Variants in RAB38 observed in about 807,000 individuals in gnomAD.
RAB38 encodes the protein ras-related protein Rab-38.
A neutral mutation model predicts 18.4 loss-of-function variants in RAB38; 15 were observed. The ratio of observed to expected loss-of-function variants is 0.82; its 90% CI spans 0.55 to 1.26. The LOEUF (loss-of-function observed/expected upper bound fraction) is 1.26. RAB38 is among the 50% of genes most tolerant of loss of function. The pLI is 0.00. For synonymous variants in RAB38, 101 were observed against 104.4 expected, an observed-to-expected ratio of 0.97 and a Z score of 0.20; for missense variants, 294 against 267.4, an observed-to-expected ratio of 1.10 and a Z score of -0.69.
rs527236563 is a variant in RAB38, at chr11:88,113,487, A to G, written c.*501T>C. The stretch of plus-strand genomic sequence containing the variant: ...CACACCTGTGTTCACGATTCCAAAG[A>G]GCTAACTCAGAGGCAACTCTTAGGT... On this transcript the variant is annotated 3_prime_UTR_variant, in exon 3 of 3. Coordinates refer to ENST00000243662, the MANE Select transcript of RAB38 (RefSeq NM_022337.3). 1 of 158,916 alleles carries G rather than the reference A, an allele frequency of 6.3e-6. No homozygotes were observed. Among genetic ancestry groups the G allele is most frequent in the South Asian group, 1.9e-4 (1 of 5,296 alleles). The allele number at this position is 158,916 out of a possible 1,614,324, so 9.8% of individuals were successfully genotyped here.
chr11:87,976,383 A>G, the RAB38 span, among the ~76,000 whole-genome samples: 1 of 139,958 alleles, frequency 7.1e-6, no homozygotes, highest in Non-Finnish European at 1.5e-5. Context: ...AAATACAAAT[A>G]TTTATATATA....
chr11:88,035,095 TC>T, the RAB38 span, among the ~76,000 whole-genome samples: 2 of 152,338 alleles, frequency 1.3e-5, 1 homozygote, highest in Middle Eastern at 6.8e-3. Context: ...AGGACATTTC[TC>T]TTTTTTTGAT....
At chr11:88,146,066 T>C (rs1467912210) in intron 2 of RAB38, among the ~76,000 whole-genome samples, 1 of 152,212 alleles carries the variant, frequency 6.6e-6, no homozygotes, top group African/African-American at 2.4e-5. Flanking sequence ...CCAACATGTA[T>C]TTAATTTTTA....
At chr11:87,906,235 T>C in the RAB38 span, among the ~76,000 whole-genome samples, 42 of 152,066 alleles carry the variant, frequency 2.8e-4, no homozygotes, top group African/African-American at 9.1e-4. Context: ...AATGAACAAA[T>C]AAAGCTTCAA....
chr11:87,912,758 C>CTTTT, the RAB38 span, among the ~76,000 whole-genome samples: 1 of 27,206 alleles, frequency 3.7e-5, no homozygotes, highest in Non-Finnish European at 1.1e-4. Context: ...GTTTAATTTT[C>CTTTT]TTTCTTTCTT....
At chr11:87,888,399 G>C in the RAB38 span, among the ~76,000 whole-genome samples, 1 of 151,968 alleles carries the variant, frequency 6.6e-6, no homozygotes, top group Non-Finnish European at 1.5e-5. Context: ...ATAATGAAAA[G>C]AGCACCAGCT....
the RAB38 span, among the ~76,000 whole-genome samples, chr11:87,818,704 T>A: frequency 7.2e-5 from 11 of 152,148 alleles, no homozygotes; most frequent in Non-Finnish European, 1.6e-4. Context: ...TTTAAAAAAA[T>A]TTATTTTCTT....
chr11:88,147,965 AT>A (rs1943012385), intron 2 of RAB38, among the ~76,000 whole-genome samples: 1 of 152,166 alleles, frequency 6.6e-6, no homozygotes, highest in African/African-American at 2.4e-5. Context: ...CTGTAACTTA[AT>A]CATACCTTTC....
the RAB38 span, among the ~76,000 whole-genome samples, chr11:87,876,125 G>T: frequency 6.6e-6 from 1 of 151,510 alleles, no homozygotes; most frequent in Non-Finnish European, 1.5e-5. Context: ...TTTCAATATA[G>T]ATCTCTGGGG....
the RAB38 span, among the ~76,000 whole-genome samples, chr11:87,828,045 T>C: frequency 6.6e-6 from 1 of 152,188 alleles, no homozygotes. Context: ...TTTTGACAAA[T>C]GTATATGGTA....
chr11:87,840,382 A>C, the RAB38 span, among the ~76,000 whole-genome samples: 2 of 152,128 alleles, frequency 1.3e-5, no homozygotes, highest in East Asian at 1.9e-4. Context: ...AGTGGTAACT[A>C]ATTTGGCCTC....
the RAB38 span, among the ~76,000 whole-genome samples, chr11:88,008,705 G>A: frequency 6.6e-6 from 1 of 152,172 alleles, no homozygotes; most frequent in Non-Finnish European, 1.5e-5. Context: ...ATGGAGTCTC[G>A]CTCTGTCGCC....
At chr11:87,881,743 T>G in the RAB38 span, among the ~76,000 whole-genome samples, 1 of 151,878 alleles carries the variant, frequency 6.6e-6, no homozygotes, top group East Asian at 2.0e-4. Flanking sequence ...TTCCCTCACT[T>G]TCTGCTGTGG....
Position 88,114,104 on chromosome 11 carries a change from C to A in RAB38, c.520G>T (p.Val174Leu). Reference protein sequence around the residue: ...INIDEASRCLVKHILANECDL... With the variant: ...INIDEASRCLLKHILANECDL... ...CACTCATTTGCAAGTATGTGTTTCA[C>A]CAGGCATCTGGAGGCTTCATCAATG... The change falls in exon 3 of 3, where the codon GTG (valine) becomes TTG (leucine). Residue 174 changes from valine (V) to leucine (L), a missense_variant. Physicochemically the swap from Val to Leu is conservative, Grantham distance 32. Coordinates refer to ENST00000243662, the MANE Select transcript of RAB38 (RefSeq NM_022337.3). 1.2e-6 allele frequency: 2 copies of A among 1,614,160 alleles called. No homozygotes were observed. The highest frequency in any genetic ancestry group is 1.7e-6 in the Non-Finnish European group (2 of 1,180,004).
chr11:87,944,978 C>G, the RAB38 span, among the ~76,000 whole-genome samples: 2 of 152,106 alleles, frequency 1.3e-5, no homozygotes, highest in Non-Finnish European at 2.9e-5. Flanking sequence ...TGTTTGCATT[C>G]TGCTTTAATG....
chr11:87,842,579 A>C, the RAB38 span, among the ~76,000 whole-genome samples: 1 of 152,168 alleles, frequency 6.6e-6, no homozygotes, highest in Admixed American at 6.5e-5. Flanking sequence ...GCTTATCCGG[A>C]ATCTCTAATG....
chr11:87,860,890 A>G, the RAB38 span, among the ~76,000 whole-genome samples: 1 of 151,916 alleles, frequency 6.6e-6, no homozygotes, highest in Non-Finnish European at 1.5e-5. Context: ...ATTCCACTTT[A>G]TATGTCATAT....
chr11:88,091,821 T>G, the RAB38 span, among the ~76,000 whole-genome samples: 1 of 151,860 alleles, frequency 6.6e-6, no homozygotes, highest in Admixed American at 6.6e-5. Context: ...GTACTGCTCT[T>G]TATGGTCAGC....
chr11:87,821,119 C>A, the RAB38 span, among the ~76,000 whole-genome samples: 1 of 152,128 alleles, frequency 6.6e-6, no homozygotes, highest in African/African-American at 2.4e-5. Flanking sequence ...GTCCAATCCA[C>A]ATTTTTTTTA....
Sources: allele counts gnomAD v4.1 joint callset (sites outside exome capture counted in the v4.1 genomes callset), GRCh38; gene constraint gnomAD v4.1.1; transcripts MANE v1.5; gene names NCBI Gene and HGNC (gene_info 2026-07-23, HGNC 2026-07-21).